Variants in PXDC1 observed in about 807,000 individuals in gnomAD.
PXDC1 encodes the protein PX domain containing 1, also known as PX domain-containing protein 1.
Under a neutral mutation model 24.4 loss-of-function variants are expected in PXDC1, and 13 were observed. That is an observed-to-expected ratio of 0.53 (90% CI 0.35 to 0.85). The LOEUF is 0.85. PXDC1 is among the 40% of genes least tolerant of loss of function. The pLI is 0.01. For missense variants in PXDC1, 344 were observed against 309.3 expected, an observed-to-expected ratio of 1.11 and a Z score of -0.84; for synonymous variants, 162 against 124.9, an observed-to-expected ratio of 1.30 and a Z score of -1.98.
chr6:3,738,825 T>TAG (rs767595955), intron 1 of PXDC1: 502 of 1,303,262 alleles, frequency 3.9e-4, no homozygotes, highest in Non-Finnish European at 4.9e-4. Context: ...GCTCGGGTGC[T>TAG]TTTCTATCTC....
chr6:3,732,272 C>G (rs1203599622), intron 3 of PXDC1, among the ~76,000 whole-genome samples: 1 of 152,234 alleles, frequency 6.6e-6, no homozygotes, highest in Non-Finnish European at 1.5e-5. Context: ...TAGCCTTCCT[C>G]CCTTTCACCT....
rs76562186 is a variant in PXDC1, at chr6:3,727,728, A to G, written c.467-66T>C. ...GGAGCTTGAGGTTTTGGAGTTTGGA[A>G]CTTACTCCCATCTCCCTGCTTTCTC... On this transcript the variant is annotated intron_variant, in intron 3 of 4. Coordinates refer to ENST00000380283, the MANE Select transcript of PXDC1 (RefSeq NM_183373.4). The G allele has an allele frequency of 2.2e-3, 2,197 of 1,009,018 alleles. 31 individuals are homozygous for G. The African/African-American group carries it at 0.03, about 14-fold the overall frequency. The allele number at this position is 1,009,018 out of a possible 1,614,324, so 62.5% of individuals were successfully genotyped here. A position where few individuals can be genotyped will look rare whatever the true frequency, so the allele number is the denominator to read the frequency against.
chr6:3,737,176 CA>C lies in PXDC1; in HGVS notation c.368del (p.Val123GlyfsTer14), dbSNP rs1232415426. 3 of 1,610,766 alleles carry C rather than the reference CA, an allele frequency of 1.9e-6. No individual in the cohort carries two copies. The highest frequency in any genetic ancestry group is 2.5e-6 in the Non-Finnish European group (3 of 1,177,016). ...MPCKYSRSEV[V>X]LTFFERSPLD... is the part of the protein sequence containing the mutation. Reference sequence around the variant, plus strand: ...GAGGAGATCTTTCGAAGAAGGTGAGCACAACTTCCGATCTAGAATACTGGGG... The same window carrying C: ...GAGGAGATCTTTCGAAGAAGGTGAGCCAACTTCCGATCTAGAATACTGGGG... On this transcript the variant is annotated frameshift_variant, in exon 3 of 5. Coordinates refer to ENST00000380283, the MANE Select transcript of PXDC1 (RefSeq NM_183373.4). LOFTEE classifies it high-confidence loss of function. The surrounding 1 kb of genome is among the most constrained non-coding windows in gnomAD (Gnocchi z 5.5).
chr6:3,739,222 G>A, intron 1 of PXDC1: 4 of 916,284 alleles, frequency 4.4e-6, no homozygotes, highest in Non-Finnish European at 5.5e-6. Context: ...AGGTCCCAGA[G>A]CATACAGTCC....
In PXDC1 at chr6:3,724,633, G is replaced by A. The variant is rs562097107; in HGVS notation, c.579-897C>T. ...GTGGACAGAGGCAAGCAGCTGCCCC[G>A]CCCTCCTGGGAGCCACCTCGGGGCT... On this transcript the variant is annotated intron_variant, in intron 4 of 4. Coordinates refer to ENST00000380283, the MANE Select transcript of PXDC1 (RefSeq NM_183373.4). This position sits in a 1 kb window ranked among gnomAD's most constrained non-coding sequence, Gnocchi z 4.5. Among the ~76,000 whole-genome samples, 6 of 152,270 alleles carry A rather than the reference G, an allele frequency of 3.9e-5. No individual in the cohort carries two copies. Among genetic ancestry groups the A allele is most frequent in the African/African-American group, 1.2e-4 (5 of 41,554 alleles).
In PXDC1 at chr6:3,751,627, G is replaced by A; in HGVS notation, c.-96C>T. The A allele has an allele frequency of 2.2e-6, 3 of 1,351,930 alleles. No homozygotes were observed. The highest frequency in any genetic ancestry group is 3.6e-5 in the South Asian group (2 of 55,568). 83.7% of individuals were successfully genotyped at this position (1,351,930 alleles called of 1,614,324 possible). A position where few individuals can be genotyped will look rare whatever the true frequency, so the allele number is the denominator to read the frequency against. On this transcript the variant is annotated 5_prime_UTR_variant, in exon 1 of 5. Coordinates refer to ENST00000380283, the MANE Select transcript of PXDC1 (RefSeq NM_183373.4). ...CCGGGGTCGTCCCGGGTCTGTCCGTGGCCGGGGTCGTCCGGGGTCGGCCCG... is the reference window on the plus strand; with the variant it reads ...CCGGGGTCGTCCCGGGTCTGTCCGTAGCCGGGGTCGTCCGGGGTCGGCCCG...
In PXDC1 at chr6:3,738,095, C is replaced by T; in HGVS notation, c.310G>A (p.Glu104Lys). 6.2e-7 allele frequency: 1 copy of T among 1,614,132 alleles called. No homozygotes were observed. The highest frequency in any genetic ancestry group is 8.5e-7 in the Non-Finnish European group (1 of 1,180,004). Residue 104 changes from glutamate to lysine, a missense_variant, in exon 2 of 5, where the codon GAG becomes AAG. Physicochemically the swap from Glu to Lys is moderately conservative, Grantham distance 56 (BLOSUM62 1). Coordinates refer to ENST00000380283, the MANE Select transcript of PXDC1 (RefSeq NM_183373.4). ...HDIETRLNEV[E>K]KLLKTIISMP... ...CTTATGATCGTCTTCAGCAGCTTCT[C>T]CACCTCATTAAGCCTGGTCTCTATG...
chr6:3,748,261 C>T (rs930486199), intron 1 of PXDC1, among the ~76,000 whole-genome samples: 1 of 152,128 alleles, frequency 6.6e-6, no homozygotes, highest in Non-Finnish European at 1.5e-5. Context: ...GCGACAATAT[C>T]CCCAGGAAAC....
At chr6:3,745,755 A>G (rs547853174) in intron 1 of PXDC1, among the ~76,000 whole-genome samples, 113 of 152,312 alleles carry the variant, frequency 7.4e-4, no homozygotes, top group African/African-American at 2.6e-3. Context: ...TTGATCTTCT[A>G]TGATGAGACT....
chr6:3,737,577 G>C lies in PXDC1; in HGVS notation c.349-381C>G. On this transcript the variant is annotated intron_variant, in intron 2 of 4. Transcript: ENST00000380283. The surrounding 1 kb of genome is among the most constrained non-coding windows in gnomAD (Gnocchi z 5.5). Reference sequence around the variant, plus strand: ...GAGGTCTGCCTGGCGCTCAAGTCCAGGTTCTTAACCACCACTCACGACGAA... The same window carrying C: ...GAGGTCTGCCTGGCGCTCAAGTCCACGTTCTTAACCACCACTCACGACGAA... 1.2e-6 allele frequency: 1 copy of C among 817,734 alleles called. No homozygotes were observed. The highest frequency in any genetic ancestry group is 1.5e-6 in the Non-Finnish European group (1 of 676,750). The allele number at this position is 817,734 out of a possible 1,614,324, so 50.7% of individuals were successfully genotyped here.
At chr6:3,734,975 C>T (rs1384018605) in intron 3 of PXDC1, among the ~76,000 whole-genome samples, 1 of 152,058 alleles carries the variant, frequency 6.6e-6, no homozygotes, top group Non-Finnish European at 1.5e-5. Context: ...GTCCCAGCTA[C>T]TTGGGAGGCT....
Position 3,728,324 on chromosome 6 carries a change from G to A in PXDC1, c.467-662C>T, listed in dbSNP as rs367689285. On this transcript the variant is annotated intron_variant, in intron 3 of 4. Transcript: ENST00000380283. The surrounding 1 kb of genome is among the most constrained non-coding windows in gnomAD (Gnocchi z 4.0). The stretch of plus-strand genomic sequence containing the variant: ...TCCATGATATCATTCTTATGCCTTC[G>A]CATCCTCATAGCTTAGCTCCCACTT... Among the ~76,000 whole-genome samples, 21 of 152,192 alleles carry A rather than the reference G, an allele frequency of 1.4e-4. No homozygotes were observed. The highest frequency in any genetic ancestry group is 1.2e-3 in the East Asian group (6 of 5,178).
intron 4 of PXDC1, 146 bp downstream of exon 4, chr6:3,727,405 C>T: frequency 1.7e-6 from 1 of 591,866 alleles, no homozygotes; most frequent in Non-Finnish European, 3.0e-6. Flanking sequence ...GAAAGGCAAA[C>T]TTCTAAAATC....
At chr6:3,744,232 G>A (rs1561739084) in intron 1 of PXDC1, among the ~76,000 whole-genome samples, 2 of 152,168 alleles carry the variant, frequency 1.3e-5, no homozygotes, top group Admixed American at 1.3e-4. Flanking sequence ...TTCCCAGGGG[G>A]AGCAGCCCAC....
chr6:3,736,987 C>T, intron 3 of PXDC1, 92 bp downstream of exon 3: 1 of 782,638 alleles, frequency 1.3e-6, no homozygotes, highest in Non-Finnish European at 2.3e-6. Flanking sequence ...AAAGTGTGGC[C>T]CAGCCTCAGA....
intron 1 of PXDC1, chr6:3,738,862 T>C (rs1185855628): frequency 1.5e-6 from 2 of 1,303,260 alleles, no homozygotes; most frequent in Admixed American, 2.3e-5. Flanking sequence ...AGCAGAAGTC[T>C]TCCCATCACA....
rs963653628 is a variant in PXDC1, at chr6:3,722,958, T to A, written c.*661A>T. 2 of 151,972 alleles carry A rather than the reference T, an allele frequency of 1.3e-5. No individual in the cohort carries two copies. Among genetic ancestry groups the A allele is most frequent in the African/African-American group, 4.8e-5 (2 of 41,322 alleles). 9.4% of individuals were successfully genotyped at this position (151,972 alleles called of 1,614,324 possible). On this transcript the variant is annotated 3_prime_UTR_variant, in exon 5 of 5. Coordinates refer to ENST00000380283, the MANE Select transcript of PXDC1 (RefSeq NM_183373.4). ...AGAACCACCAACGCTCAGTCCAAGC[T>A]CACACGGTTATCTAGTCGGCAATGC... is the stretch of plus-strand genomic sequence containing the variant.
At chr6:3,738,664 G>C (rs1760383861) in intron 1 of PXDC1, 2 of 517,116 alleles carry the variant, frequency 3.9e-6, no homozygotes, top group African/African-American at 3.5e-5. Flanking sequence ...AAAAAAGTCA[G>C]ATCTCTGCCT....
chr6:3,730,477 C>T (rs373881256), intron 3 of PXDC1, among the ~76,000 whole-genome samples: 1 of 151,636 alleles, frequency 6.6e-6, no homozygotes, highest in Non-Finnish European at 1.5e-5. Context: ...CAAACAAGTC[C>T]TAAGAAAAGC....
Sources: gnomAD v4.1 joint callset for allele counts (sites outside exome capture counted in the v4.1 genomes callset) on GRCh38, gnomAD v4.1.1 for gene constraint, Gnocchi (gnomAD v3.1) non-coding constraint, MANE v1.5 for transcripts, NCBI Gene and HGNC (gene_info 2026-07-23, HGNC 2026-07-21) for gene names.